SHROOM3: variants seen among roughly 807,000 people sequenced by gnomAD.
SHROOM3 encodes the protein shroom family member 3, also known as protein Shroom3.
In SHROOM3, 47 loss-of-function variants were observed where a neutral mutation model predicts 138.6. The ratio of observed to expected loss-of-function variants is 0.34; its 90% CI spans 0.27 to 0.43. The LOEUF (loss-of-function observed/expected upper bound fraction) is 0.43, where lower values mean the gene tolerates loss of function less well. Ranked by LOEUF, SHROOM3 falls within the 20% of genes least tolerant of loss-of-function variation. The probability of loss-of-function intolerance (pLI) is 1.00; values close to 1 mark genes in which losing one functional copy is unlikely to be tolerated. For missense variants in SHROOM3, 2,491 were observed against 2,596.5 expected (o/e 0.96, Z 0.88); for synonymous variants, 1,062 against 1,063.3 (o/e 1.00, Z 0.02).
At chr4:76,573,275 G>T (rs950592787) in intron 2 of SHROOM3, among the ~76,000 whole-genome samples, 1 of 151,234 alleles carries the variant, frequency 6.6e-6, no homozygotes, top group African/African-American at 2.4e-5. Flanking sequence ...TTTAGTCAAA[G>T]TAGGTACCCA....
intron 2 of SHROOM3, among the ~76,000 whole-genome samples, chr4:76,674,554 C>CTT (rs11312421): frequency 0.016 from 1,653 of 103,440 alleles, 27 homozygotes; most frequent in South Asian, 0.023. Context: ...TCCTTCCTTC[C>CTT]TTTTTTTTTT....
chr4:76,470,645 G>A (rs1420944939), intron 1 of SHROOM3, among the ~76,000 whole-genome samples: 1 of 152,084 alleles, frequency 6.6e-6, no homozygotes, highest in African/African-American at 2.4e-5. Flanking sequence ...ATAATTACAT[G>A]GCCTAATAGA....
At chr4:76,449,646 A>G (rs1019490684) in intron 1 of SHROOM3, among the ~76,000 whole-genome samples, 1 of 152,246 alleles carries the variant, frequency 6.6e-6, no homozygotes, top group Non-Finnish European at 1.5e-5. Flanking sequence ...ACTGACAAAC[A>G]GTAGCTTCAC....
chr4:76,748,955 C>T, intron 5 of SHROOM3, 62 bp from the exon 6 acceptor site: 8 of 1,530,212 alleles, frequency 5.2e-6, no homozygotes, highest in Non-Finnish European at 6.3e-6. Context: ...TACCTCCACC[C>T]TCTTGGTAAA....
intron 10 of SHROOM3, among the ~76,000 whole-genome samples, chr4:76,772,229 A>G (rs35569366): frequency 0.06 from 9,018 of 149,584 alleles, 297 homozygotes; most frequent in Non-Finnish European, 0.072. Flanking sequence ...TCGGCCTCCC[A>G]AGTAGCTGAG....
chr4:76,652,267 A>G (rs992799515), intron 2 of SHROOM3, among the ~76,000 whole-genome samples: 1 of 152,224 alleles, frequency 6.6e-6, no homozygotes, highest in Non-Finnish European at 1.5e-5. Flanking sequence ...AGACATCTGG[A>G]CTGATAAGAA....
At chr4:76,551,906 G>A in intron 1 of SHROOM3, among the ~76,000 whole-genome samples, 1 of 151,406 alleles carries the variant, frequency 6.6e-6, no homozygotes, top group Non-Finnish European at 1.5e-5. Context: ...CTGTCACCCA[G>A]GCTGGAGTGC....
intron 2 of SHROOM3, among the ~76,000 whole-genome samples, chr4:76,660,026 C>T (rs899742190): frequency 6.6e-6 from 1 of 152,122 alleles, no homozygotes; most frequent in East Asian, 1.9e-4. Flanking sequence ...GGGTATCACA[C>T]GGAGGCCACC....
chr4:76,662,738 A>C (rs1375840920), intron 2 of SHROOM3, among the ~76,000 whole-genome samples: 1 of 152,180 alleles, frequency 6.6e-6, no homozygotes, highest in Non-Finnish European at 1.5e-5. Flanking sequence ...TGCCTACTGT[A>C]GGTTCAATAA....
chr4:76,566,265 T>A (rs1467757718), intron 2 of SHROOM3, among the ~76,000 whole-genome samples: 1 of 152,098 alleles, frequency 6.6e-6, no homozygotes, highest in Non-Finnish European at 1.5e-5. Flanking sequence ...AATCCAGAGA[T>A]GATTTAAAGT....
At chr4:76,534,109 A>T (rs913583295) in intron 1 of SHROOM3, among the ~76,000 whole-genome samples, 2 of 152,242 alleles carry the variant, frequency 1.3e-5, no homozygotes, top group Non-Finnish European at 2.9e-5. Flanking sequence ...AGTGCCTGGT[A>T]TGCAGTAGGC....
chr4:76,678,044 TTGTC>T (rs1431034888), intron 2 of SHROOM3, among the ~76,000 whole-genome samples: 1 of 152,162 alleles, frequency 6.6e-6, no homozygotes, highest in Non-Finnish European at 1.5e-5. Flanking sequence ...TAGAAGCACA[TTGTC>T]TGTAGGTTTT....
In SHROOM3 at chr4:76,509,876, G is replaced by A. The variant is rs572216626; in HGVS notation, c.169-45733G>A. ...GTCTTTTTCTTATTGGATCATTTAGGTTACCTTAGGTCTGAAATTCTCAGA... is the reference window on the plus strand; with the variant it reads ...GTCTTTTTCTTATTGGATCATTTAGATTACCTTAGGTCTGAAATTCTCAGA... On this transcript the variant is annotated intron_variant, in intron 1 of 10. Transcript: ENST00000296043. Among the ~76,000 whole-genome samples the A allele has an allele frequency of 9.2e-5, 14 of 152,096 alleles. No homozygotes were observed. In the East Asian group the frequency reaches 2.3e-3, roughly 25 times the overall value.
At chr4:76,728,270 G>A (rs887294989) in intron 3 of SHROOM3, among the ~76,000 whole-genome samples, 1 of 152,196 alleles carries the variant, frequency 6.6e-6, no homozygotes, top group Non-Finnish European at 1.5e-5. Context: ...TAATTCCCAC[G>A]TGTTGTGGGA....
intron 2 of SHROOM3, among the ~76,000 whole-genome samples, chr4:76,608,663 T>TAGCATAGCATAGCAC (rs1560563360): frequency 4.5e-4 from 14 of 31,438 alleles, no homozygotes; most frequent in African/African-American, 6.3e-4. Context: ...TAGCATAGCA[T>TAGCATAGCATAGCAC]AGCACAGCAT....
At chr4:76,557,592 T>A (rs1733512845) in intron 2 of SHROOM3, among the ~76,000 whole-genome samples, 1 of 152,160 alleles carries the variant, frequency 6.6e-6, no homozygotes, top group Non-Finnish European at 1.5e-5. Context: ...TAAAATTTGC[T>A]ATGAGAATAG....
chr4:76,754,624 T>C lies in SHROOM3; in HGVS notation c.4141T>C (p.Tyr1381His). ...GQTGRQPLPPYTPAMMHRSNG... is the reference protein window; with the variant it reads ...GQTGRQPLPPHTPAMMHRSNG... ...GACAGGGCGACAGCCTCTCCCGCCC[T>C]ACACCCCTGCCATGATGCACAGAAG... is the stretch of plus-strand genomic sequence containing the variant. Residue 1381 changes from tyrosine (Y) to histidine (H), a missense_variant, in exon 7 of 11, where the codon TAC (tyrosine) becomes CAC (histidine). This residue lies in a region of SHROOM3 where 1,733 missense variants were observed against 1,661.6 expected (regional missense o/e 1.04). Coordinates refer to ENST00000296043, the MANE Select transcript of SHROOM3 (RefSeq NM_020859.4). The C allele has an allele frequency of 6.2e-7, 1 of 1,614,138 alleles. No homozygotes were observed. The highest frequency in any genetic ancestry group is 8.5e-7 in the Non-Finnish European group (1 of 1,180,014).
chr4:76,536,252 C>T (rs1490856626), intron 1 of SHROOM3, among the ~76,000 whole-genome samples: 1 of 152,124 alleles, frequency 6.6e-6, no homozygotes, highest in African/African-American at 2.4e-5. Flanking sequence ...TGTGCAGGGA[C>T]AGTTGATGGA....
At chr4:76,497,576 G>A (rs1043513266) in intron 1 of SHROOM3, among the ~76,000 whole-genome samples, 13 of 152,172 alleles carry the variant, frequency 8.5e-5, no homozygotes, top group African/African-American at 3.1e-4. Context: ...CAGAAAAGAG[G>A]GCTGGGTGCA....
Sources: gnomAD v4.1 joint callset for allele counts (sites outside exome capture counted in the v4.1 genomes callset) on GRCh38, gnomAD v4.1.1 for gene constraint, gnomAD v4.1.1 regional missense constraint, MANE v1.5 for transcripts, NCBI Gene and HGNC (gene_info 2026-07-23, HGNC 2026-07-21) for gene names.